Variants in AGK observed in about 807,000 individuals in gnomAD.
The protein encoded by AGK is acylglycerol kinase, also known as acylglycerol kinase, mitochondrial.
A neutral mutation model predicts 66.4 loss-of-function variants in AGK; 52 were observed. That is an observed-to-expected ratio of 0.78 (90% CI 0.63 to 0.99). The LOEUF (loss-of-function observed/expected upper bound fraction) is 0.99. Among genes scored for constraint, AGK ranks in the 50% least tolerant of loss-of-function variants. The pLI is 0.00. For synonymous variants in AGK, 182 were observed against 181.1 expected (o/e 1.00, Z -0.04); for missense variants, 451 against 506.6 (o/e 0.89, Z 1.05).
chr7:141,642,518 C>T (rs970259495), intron 13 of AGK, among the ~76,000 whole-genome samples: 1 of 152,168 alleles, frequency 6.6e-6, no homozygotes, highest in African/African-American at 2.4e-5. Flanking sequence ...AGCCATCATA[C>T]TGGAAAGCAC....
rs1310873721 is a variant in AGK at position 141,598,618 on chromosome 7, C to T, written c.221+1977C>T. ...GATAATGCTTATTAGGCACTATTTC[C>T]ATTTCATAATAAGCACACAATGTAA... is the stretch of plus-strand genomic sequence containing the variant. On this transcript the variant is annotated intron_variant, in intron 4 of 15. Transcript: ENST00000649286. The surrounding 1 kb of genome is among the most constrained non-coding windows in gnomAD (Gnocchi z 4.2). 6.6e-6 allele frequency among the ~76,000 whole-genome samples: 1 copy of T among 152,104 alleles called. No homozygotes were observed. The highest frequency in any genetic ancestry group is 6.5e-5 in the Admixed American group (1 of 15,276).
rs544066956 is a variant in AGK, at chr7:141,555,758, C to T, written c.101+191C>T. ...CTGGAACTACATGCATACTTATATCCAGTGGTTAGAGAATAAAGTAGAGAC... is the reference window on the plus strand; with the variant it reads ...CTGGAACTACATGCATACTTATATCTAGTGGTTAGAGAATAAAGTAGAGAC... On this transcript the variant is annotated intron_variant, in intron 2 of 15. Coordinates refer to ENST00000649286, the MANE Select transcript of AGK (RefSeq NM_018238.4). This position sits in a 1 kb window ranked among gnomAD's most constrained non-coding sequence, Gnocchi z 4.2. Among the ~76,000 whole-genome samples, 2 of 152,274 alleles carry T rather than the reference C, an allele frequency of 1.3e-5. No homozygotes were observed. The highest frequency in any genetic ancestry group is 4.2e-4 in the South Asian group (2 of 4,814).
At chr7:141,603,282 T>A (rs1053828515) in intron 5 of AGK, among the ~76,000 whole-genome samples, 1 of 152,190 alleles carries the variant, frequency 6.6e-6, no homozygotes, top group African/African-American at 2.4e-5. Flanking sequence ...CTACATAGAT[T>A]TGTCCATTTT....
intron 8 of AGK, among the ~76,000 whole-genome samples, chr7:141,619,665 A>C (rs1156776731): frequency 6.6e-6 from 1 of 151,402 alleles, no homozygotes; most frequent in Non-Finnish European, 1.5e-5. Flanking sequence ...TTAGGACAGC[A>C]TAAACAAGAA....
rs989006017 is a variant in AGK at position 141,611,249 on chromosome 7, G to A, written c.352G>A (p.Val118Met). ...CCTGGAACTGATGGAAAACACGGAT[G>A]TGATCATTGTTGCAGGAGGAGATGG... Reference protein sequence around the residue: ...KLLELMENTDVIIVAGGDGTL... With the variant: ...KLLELMENTDMIIVAGGDGTL... Residue 118 changes from valine to methionine, a missense_variant, in exon 6 of 16, where the codon GTG (valine) becomes ATG (methionine). By Grantham distance (21) the Val-to-Met change is conservative. Transcript: ENST00000649286. The A allele has an allele frequency of 3.1e-6, 5 of 1,613,484 alleles. No homozygotes were observed. In the Admixed American group the frequency reaches 8.3e-5, roughly 27 times the overall value.
intron 8 of AGK, among the ~76,000 whole-genome samples, chr7:141,619,932 C>T (rs1461646536): frequency 6.6e-6 from 1 of 152,136 alleles, no homozygotes; most frequent in African/African-American, 2.4e-5. Flanking sequence ...AAACTGGGAA[C>T]AATGCCAATG....
At chr7:141,636,104 G>A (rs1472194792) in intron 10 of AGK, among the ~76,000 whole-genome samples, 1 of 152,128 alleles carries the variant, frequency 6.6e-6, no homozygotes, top group African/African-American at 2.4e-5. Context: ...TATGTATTTA[G>A]CAATATGCAA....
chr7:141,642,971 T>C (rs1311134548), intron 13 of AGK, among the ~76,000 whole-genome samples: 1 of 152,200 alleles, frequency 6.6e-6, no homozygotes, highest in African/African-American at 2.4e-5. Context: ...AGGAAAGTAA[T>C]TGTTAACTGT....
At chr7:141,595,738 T>C (rs557822063) in intron 3 of AGK, among the ~76,000 whole-genome samples, 3 of 152,178 alleles carry the variant, frequency 2.0e-5, no homozygotes, top group Non-Finnish European at 4.4e-5. Flanking sequence ...TCAGACATAA[T>C]AGCAAGAGTT....
intron 3 of AGK, among the ~76,000 whole-genome samples, chr7:141,595,849 TAGA>T (rs1796214463): frequency 6.6e-6 from 1 of 152,198 alleles, no homozygotes; most frequent in African/African-American, 2.4e-5. Flanking sequence ...GCTTTGGAAT[TAGA>T]AGATGTGTAT....
intron 2 of AGK, among the ~76,000 whole-genome samples, chr7:141,562,880 T>C (rs1378347389): frequency 6.6e-6 from 1 of 152,240 alleles, no homozygotes; most frequent in Admixed American, 6.5e-5. Flanking sequence ...ATCTTTGGGC[T>C]TGAGCTGGAG....
At chr7:141,648,963 TAATA>T (rs948712391) in intron 13 of AGK, among the ~76,000 whole-genome samples, 1 of 151,886 alleles carries the variant, frequency 6.6e-6, no homozygotes, top group Non-Finnish European at 1.5e-5. Context: ...CTAGAACGGC[TAATA>T]ATTACTAGTG....
chr7:141,583,951 T>C (rs559189676), intron 2 of AGK, among the ~76,000 whole-genome samples: 3 of 152,018 alleles, frequency 2.0e-5, no homozygotes, highest in African/African-American at 7.3e-5. Context: ...GGACCTGAGG[T>C]TGTAGGTGGA....
At chr7:141,586,511 G>A (rs1029540999) in intron 2 of AGK, among the ~76,000 whole-genome samples, 19 of 152,188 alleles carry the variant, frequency 1.2e-4, no homozygotes, top group Non-Finnish European at 4.4e-5. Context: ...CTACGAGTGT[G>A]TGCTGTGGGC....
chr7:141,615,094 G>C (rs1166961714), intron 7 of AGK, among the ~76,000 whole-genome samples: 1 of 152,126 alleles, frequency 6.6e-6, no homozygotes, highest in Non-Finnish European at 1.5e-5. Flanking sequence ...CTGTATAAAT[G>C]GTAGACATTT....
chr7:141,650,978 G>A (rs1050472319), intron 14 of AGK, among the ~76,000 whole-genome samples: 4 of 152,152 alleles, frequency 2.6e-5, no homozygotes, highest in Admixed American at 1.3e-4. Flanking sequence ...TAGTCTGTAC[G>A]GATTCAGTAC....
intron 2 of AGK, among the ~76,000 whole-genome samples, chr7:141,580,313 C>G (rs1183070761): frequency 6.6e-6 from 1 of 151,960 alleles, no homozygotes; most frequent in African/African-American, 2.4e-5. Flanking sequence ...GATACTATAG[C>G]ATAGCCTGCC....
At chr7:141,597,906 AAAAAAAAAAAAAAGAAAGAAGAAAG>A (rs1796261591) in intron 4 of AGK, among the ~76,000 whole-genome samples, 1 of 146,884 alleles carries the variant, frequency 6.8e-6, no homozygotes, top group Admixed American at 6.7e-5. Flanking sequence ...AAAAAAAAAA[AAAAAAAAAAAAAAGAAAGAAGAAAG>A]AAAATTAGTA....
chr7:141,607,826 GA>G (rs1235867058), intron 5 of AGK, among the ~76,000 whole-genome samples: 14 of 151,976 alleles, frequency 9.2e-5, no homozygotes, highest in Admixed American at 6.6e-4. Flanking sequence ...TTTTTTCTGG[GA>G]GGGGGCAACT....
Sources: gnomAD v4.1 joint callset for allele counts (sites outside exome capture counted in the v4.1 genomes callset) on GRCh38, gnomAD v4.1.1 for gene constraint, Gnocchi (gnomAD v3.1) non-coding constraint, MANE v1.5 for transcripts, NCBI Gene and HGNC (gene_info 2026-07-23, HGNC 2026-07-21) for gene names.